The following PPP1R12B variants were observed in gnomAD, a reference collection of about 807,000 sequenced individuals.
The protein encoded by PPP1R12B is myosin phosphatase target subunit 2.
Under a neutral mutation model 126.1 loss-of-function variants are expected in PPP1R12B, and 76 were observed. The observed-to-expected ratio is 0.60, with a 90% CI of 0.50 to 0.73. The LOEUF is 0.73. Among genes scored for constraint, PPP1R12B ranks in the 30% least tolerant of loss-of-function variants. The pLI is 0.00. For missense variants in PPP1R12B, 1,052 were observed against 1,205.1 expected, an observed-to-expected ratio of 0.87 and a Z score of 1.88; for synonymous variants, 356 against 434.7, an observed-to-expected ratio of 0.82 and a Z score of 2.25.
intron 13 of PPP1R12B, among the ~76,000 whole-genome samples, chr1:202,458,571 T>A (rs1673932162): frequency 6.6e-6 from 1 of 152,222 alleles, no homozygotes; most frequent in African/African-American, 2.4e-5. Context: ...AATTGAGGGA[T>A]TTCCAGCAGG....
In PPP1R12B at chr1:202,419,178, TGAA is replaced by T. The variant is rs1668460064; in HGVS notation, c.422+2262_422+2264del. ...GCTGGGTGTTTTTACATTTTTTTTA[TGAA>T]TAAATGTTTCACTTAGAAGCAGCAG... On this transcript the variant is annotated intron_variant, in intron 2 of 23. Transcript: ENST00000608999. The surrounding 1 kb of genome is among the most constrained non-coding windows in gnomAD (Gnocchi z 4.6). Among the ~76,000 whole-genome samples, 1 of 152,236 alleles carries T rather than the reference TGAA, an allele frequency of 6.6e-6. No homozygotes were observed. Among genetic ancestry groups the T allele is most frequent in the African/African-American group, 2.4e-5 (1 of 41,470 alleles).
At chr1:202,548,500 A>G (rs537770869) in intron 18 of PPP1R12B, among the ~76,000 whole-genome samples, 6 of 152,140 alleles carry the variant, frequency 3.9e-5, no homozygotes, top group East Asian at 1.9e-4. Context: ...AGCTGGGACT[A>G]TAGGTGTGCT....
chr1:202,579,939 G>T (rs2149044468), intron 23 of PPP1R12B, among the ~76,000 whole-genome samples: 1 of 152,324 alleles, frequency 6.6e-6, no homozygotes, highest in African/African-American at 2.4e-5. Context: ...GGCACCAAGT[G>T]GAGGATGCTT....
At chr1:202,351,147 C>G (rs1430623947) in intron 1 of PPP1R12B, among the ~76,000 whole-genome samples, 2 of 151,838 alleles carry the variant, frequency 1.3e-5, no homozygotes, top group Non-Finnish European at 2.9e-5. Context: ...CCTTTATTGG[C>G]TTCAGAACAT....
At chr1:202,499,262 A>T (rs892854488) in intron 18 of PPP1R12B, among the ~76,000 whole-genome samples, 1 of 150,320 alleles carries the variant, frequency 6.7e-6, no homozygotes, top group Non-Finnish European at 1.5e-5. Flanking sequence ...GTAATATTTA[A>T]TTTTTTTTTT....
intron 10 of PPP1R12B, among the ~76,000 whole-genome samples, chr1:202,440,430 G>C (rs752551065): frequency 6.6e-6 from 1 of 152,164 alleles, no homozygotes; most frequent in Non-Finnish European, 1.5e-5. Flanking sequence ...TCTTGACAGA[G>C]GTGCTGCTTT....
chr1:202,381,434 G>GTGTGTGTGTGTGTGTGTGTGTGTATGTA (rs71142528), intron 1 of PPP1R12B, among the ~76,000 whole-genome samples: 50 of 131,226 alleles, frequency 3.8e-4, no homozygotes, highest in African/African-American at 1.4e-3. Context: ...GTGTGTGTGT[G>GTGTGTGTGTGTGTGTGTGTGTGTATGTA]TGTATCATCC....
chr1:202,488,973 G>A (rs1265022794), intron 14 of PPP1R12B, among the ~76,000 whole-genome samples: 1 of 152,148 alleles, frequency 6.6e-6, no homozygotes, highest in Non-Finnish European at 1.5e-5. Context: ...AACCTGGGAG[G>A]CAGAAGTTCC....
At chr1:202,426,728 A>G (rs563990511) in intron 4 of PPP1R12B, among the ~76,000 whole-genome samples, 15 of 152,288 alleles carry the variant, frequency 9.8e-5, no homozygotes, top group Admixed American at 9.2e-4. Context: ...GAGTTATGTG[A>G]TTTGGCTAAT....
chr1:202,376,532 G>GT (rs1558148539), intron 1 of PPP1R12B, among the ~76,000 whole-genome samples: 1 of 152,204 alleles, frequency 6.6e-6, no homozygotes, highest in Non-Finnish European at 1.5e-5. Flanking sequence ...GGATAGAAAC[G>GT]TGAGTGGTAG....
intron 1 of PPP1R12B, among the ~76,000 whole-genome samples, chr1:202,371,610 T>C (rs1451114292): frequency 6.6e-6 from 1 of 152,102 alleles, no homozygotes; most frequent in Non-Finnish European, 1.5e-5. Context: ...AAATATATTA[T>C]AGATATTTTA....
chr1:202,539,421 GA>G (rs2148958752), intron 18 of PPP1R12B, among the ~76,000 whole-genome samples: 1 of 152,308 alleles, frequency 6.6e-6, no homozygotes, highest in South Asian at 2.1e-4. Context: ...GAAAATAGAA[GA>G]GGGGAGGGGA....
chr1:202,540,173 A>C, intron 18 of PPP1R12B: 1 of 1,610,548 alleles, frequency 6.2e-7, no homozygotes, highest in Non-Finnish European at 8.5e-7. Context: ...TAAAGAATTC[A>C]CTCGGAATAG....
Position 202,496,836 on chromosome 1 carries a change from C to G in PPP1R12B, c.2490+14C>G, listed in dbSNP as rs777633559. On this transcript the variant is annotated intron_variant, in intron 18 of 23. Transcript: ENST00000608999. Reference sequence around the variant, plus strand: ...AAAGAAACGTGGGTAAGTGACAAGCCAGTGAAGCATGTCTCTTGAGAGCAC... The same window carrying G: ...AAAGAAACGTGGGTAAGTGACAAGCGAGTGAAGCATGTCTCTTGAGAGCAC... The G allele has an allele frequency of 6.2e-7, 1 of 1,606,286 alleles. No homozygotes were observed. The highest frequency in any genetic ancestry group is 8.5e-7 in the Non-Finnish European group (1 of 1,173,258).
chr1:202,469,646 A>T (rs1179671732), intron 13 of PPP1R12B, among the ~76,000 whole-genome samples: 1 of 152,164 alleles, frequency 6.6e-6, no homozygotes, highest in Non-Finnish European at 1.5e-5. Context: ...AAAAAGGGCA[A>T]ATTTTACCAT....
intron 10 of PPP1R12B, chr1:202,438,638 C>T (rs939460086): frequency 1.1e-5 from 6 of 529,064 alleles, no homozygotes; most frequent in South Asian, 5.3e-5. Flanking sequence ...TCCCTGGCCC[C>T]GGAAGCAGCT....
Position 202,427,046 on chromosome 1 carries a change from A to C in PPP1R12B, c.708A>C (p.Leu236Phe). 6.2e-7 allele frequency: 1 copy of C among 1,610,018 alleles called. No individual in the cohort carries two copies. The change falls in exon 5 of 24, where the codon TTA (leucine) becomes TTC (phenylalanine). Residue 236 changes from leucine (L) to phenylalanine (F), a missense_variant. By Grantham distance (22) the Leu-to-Phe change is conservative (BLOSUM62 0). Transcript: ENST00000608999. ...TTTTGGGTTTTCTTTTTAGACTTTT[A>C]ATTCAGGCTGGCTATGAACTCAATG... ...AKGYSEVLRL[L>F]IQAGYELNVQ...
At chr1:202,529,653 G>A (rs1683722260) in intron 18 of PPP1R12B, among the ~76,000 whole-genome samples, 1 of 152,072 alleles carries the variant, frequency 6.6e-6, no homozygotes, top group Non-Finnish European at 1.5e-5. Flanking sequence ...TAAGTTATAG[G>A]TTACATTTTC....
Position 202,437,948 on chromosome 1 carries a change from T to A in PPP1R12B, c.1382T>A (p.Ile461Lys), listed in dbSNP as rs150595874. ...LSEVANSREP[I>K]RDRGSSIYRS... The stretch of plus-strand genomic sequence containing the variant: ...GAGGTGGCCAATTCCAGGGAACCTA[T>A]AAGGGACCGAGGCTCTTCCATCTAT... Residue 461 changes from isoleucine to lysine, a missense_variant, in exon 10 of 24, where the codon ATA becomes AAA. Coordinates refer to ENST00000608999, the MANE Select transcript of PPP1R12B (RefSeq NM_002481.4). The A allele has an allele frequency of 9.7e-5, 157 of 1,613,972 alleles. No homozygotes were observed. The highest frequency in any genetic ancestry group is 1.3e-4 in the Non-Finnish European group (148 of 1,179,996).
Sources: allele counts gnomAD v4.1 joint callset (sites outside exome capture counted in the v4.1 genomes callset), GRCh38; gene constraint gnomAD v4.1.1; non-coding constraint Gnocchi (gnomAD v3.1); transcripts MANE v1.5; gene names NCBI Gene and HGNC (gene_info 2026-07-23, HGNC 2026-07-21).